NELL1: variants seen among roughly 807,000 people sequenced by gnomAD.
NELL1 encodes the protein neural EGFL like 1, also known as protein kinase C-binding protein NELL1.
A neutral mutation model predicts 107.4 loss-of-function variants in NELL1; 76 were observed. The ratio of observed to expected loss-of-function variants is 0.71; its 90% CI spans 0.59 to 0.86. The LOEUF (loss-of-function observed/expected upper bound fraction) is 0.86. Among genes scored for constraint, NELL1 ranks in the 40% least tolerant of loss-of-function variants. The pLI is 0.00. For synonymous variants in NELL1, 353 were observed against 341.2 expected, an observed-to-expected ratio of 1.03 and a Z score of -0.38; for missense variants, 1,024 against 1,005.5, an observed-to-expected ratio of 1.02 and a Z score of -0.25.
chr11:21,541,911 G>C (rs756188419), intron 16 of NELL1, among the ~76,000 whole-genome samples: 6 of 152,044 alleles, frequency 3.9e-5, no homozygotes, highest in Non-Finnish European at 8.8e-5. Context: ...ACTAATAAGA[G>C]ATAACATTTA....
chr11:20,926,359 A>G (rs1382865061), intron 7 of NELL1, among the ~76,000 whole-genome samples: 1 of 152,194 alleles, frequency 6.6e-6, no homozygotes, highest in African/African-American at 2.4e-5. Context: ...TGGTGGTGCC[A>G]AGTGTGGTCA....
At chr11:20,819,563 T>C (rs963006355) in intron 3 of NELL1, among the ~76,000 whole-genome samples, 2 of 152,198 alleles carry the variant, frequency 1.3e-5, no homozygotes, top group Non-Finnish European at 2.9e-5. Flanking sequence ...TGTTTCTAAA[T>C]TGTTACATGA....
At chr11:20,812,504 A>G (rs937803839) in intron 3 of NELL1, among the ~76,000 whole-genome samples, 2 of 152,226 alleles carry the variant, frequency 1.3e-5, no homozygotes, top group Non-Finnish European at 2.9e-5. Context: ...CCTCTAATTC[A>G]GTTTTTTAAA....
intron 2 of NELL1, among the ~76,000 whole-genome samples, chr11:20,691,944 TATTGCCACA>T (rs1854478814): frequency 1.3e-5 from 2 of 152,164 alleles, no homozygotes; most frequent in South Asian, 4.1e-4. Flanking sequence ...AGGTATTGAT[TATTGCCACA>T]ATTTCAGATC....
intron 15 of NELL1, among the ~76,000 whole-genome samples, chr11:21,486,154 C>G (rs1044261322): frequency 2.0e-5 from 3 of 152,126 alleles, no homozygotes. Flanking sequence ...AAGCAAGCTA[C>G]CTGGAAGCCC....
chr11:21,182,402 T>C (rs1856847168), intron 13 of NELL1, among the ~76,000 whole-genome samples: 1 of 147,612 alleles, frequency 6.8e-6, no homozygotes, highest in Non-Finnish European at 1.5e-5. Flanking sequence ...GCCACTGCAC[T>C]GCAGCCTGGG....
At chr11:21,472,666 A>C (rs1296792286) in intron 15 of NELL1, among the ~76,000 whole-genome samples, 2 of 152,016 alleles carry the variant, frequency 1.3e-5, no homozygotes, top group Non-Finnish European at 2.9e-5. Context: ...CTAGAAAAAA[A>C]CTACATACTT....
intron 2 of NELL1, among the ~76,000 whole-genome samples, chr11:20,783,228 G>T (rs1856885420): frequency 6.6e-6 from 1 of 152,172 alleles, no homozygotes; most frequent in African/African-American, 2.4e-5. Context: ...ATGCTGAGTG[G>T]CATTTGGGTC....
chr11:21,068,934 G>T (rs1322997673), intron 12 of NELL1, among the ~76,000 whole-genome samples: 3 of 152,160 alleles, frequency 2.0e-5, no homozygotes, highest in African/African-American at 7.2e-5. Flanking sequence ...AAAGGGAATG[G>T]ATTAGCTCTA....
chr11:20,917,033 C>T (rs992607980), intron 5 of NELL1, among the ~76,000 whole-genome samples: 5 of 151,916 alleles, frequency 3.3e-5, no homozygotes, highest in African/African-American at 9.7e-5. Context: ...GGTGTGATAG[C>T]CTCTCAAAGA....
chr11:21,423,092 C>T (rs907477339), intron 15 of NELL1, among the ~76,000 whole-genome samples: 2 of 152,056 alleles, frequency 1.3e-5, no homozygotes, highest in South Asian at 2.1e-4. Context: ...GGTGCCCAAG[C>T]GCAGTGGCTC....
intron 12 of NELL1, among the ~76,000 whole-genome samples, chr11:20,994,617 C>A (rs542638898): frequency 2.6e-5 from 4 of 152,156 alleles, no homozygotes; most frequent in African/African-American, 9.6e-5. Context: ...TTACATATGT[C>A]CCCAAAGTGG....
At chr11:20,931,231 C>G (rs958724756) in intron 9 of NELL1, among the ~76,000 whole-genome samples, 1 of 151,366 alleles carries the variant, frequency 6.6e-6, no homozygotes, top group Non-Finnish European at 1.5e-5. Flanking sequence ...GGGAGAATAC[C>G]GGGGGAAGGC....
intron 12 of NELL1, among the ~76,000 whole-genome samples, chr11:21,039,891 C>T (rs1853187257): frequency 6.6e-6 from 1 of 151,936 alleles, no homozygotes; most frequent in Non-Finnish European, 1.5e-5. Flanking sequence ...GTTACAAAGC[C>T]CTCTTTTGAA....
chr11:20,724,185 G>A (rs1330527384), intron 2 of NELL1, among the ~76,000 whole-genome samples: 2 of 152,252 alleles, frequency 1.3e-5, no homozygotes, highest in Non-Finnish European at 2.9e-5. Context: ...CTGCAATGCT[G>A]TGGAGACATG....
intron 12 of NELL1, among the ~76,000 whole-genome samples, chr11:20,994,487 A>G (rs10766761): frequency 0.36 from 54,659 of 152,126 alleles, 10,520 homozygotes; most frequent in East Asian, 0.59. Context: ...TAAAAGCTAT[A>G]CTTTGACATC....
chr11:21,302,914 A>T (rs1464251149), intron 14 of NELL1, among the ~76,000 whole-genome samples: 2 of 151,768 alleles, frequency 1.3e-5, no homozygotes, highest in African/African-American at 2.4e-5. Flanking sequence ...AAAAAAAAAT[A>T]GCTTGGCATG....
intron 5 of NELL1, among the ~76,000 whole-genome samples, chr11:20,896,416 T>A (rs1415051263): frequency 6.6e-6 from 1 of 152,228 alleles, no homozygotes; most frequent in East Asian, 1.9e-4. Flanking sequence ...GTCTTTGCAA[T>A]TGAGAATTGT....
chr11:20,733,842 T>C (rs951495465), intron 2 of NELL1, among the ~76,000 whole-genome samples: 1 of 152,176 alleles, frequency 6.6e-6, no homozygotes, highest in African/African-American at 2.4e-5. Flanking sequence ...GATGGGACTA[T>C]AACAAGAAAA....
Sources: gnomAD v4.1 joint callset for allele counts (sites outside exome capture counted in the v4.1 genomes callset) on GRCh38, gnomAD v4.1.1 for gene constraint, MANE v1.5 for transcripts, NCBI Gene and HGNC (gene_info 2026-07-23, HGNC 2026-07-21) for gene names.